Variants in EMILIN2 observed in about 807,000 individuals in gnomAD.
EMILIN2 encodes the protein EMILIN-2.
A neutral mutation model predicts 87.1 loss-of-function variants in EMILIN2; 71 were observed. The ratio of observed to expected loss-of-function variants is 0.82; its 90% CI spans 0.67 to 0.99. The LOEUF is 0.99. Ranked by LOEUF, EMILIN2 falls within the 50% of genes least tolerant of loss-of-function variation. The pLI is 0.00. For missense variants in EMILIN2, 1,407 were observed against 1,371.8 expected (o/e 1.03, Z -0.40); for synonymous variants, 581 against 563.4 (o/e 1.03, Z -0.44).
At chr18:2,905,076 G>A (rs919976816) in intron 4 of EMILIN2, among the ~76,000 whole-genome samples, 2 of 152,020 alleles carry the variant, frequency 1.3e-5, no homozygotes, top group African/African-American at 2.4e-5. Context: ...CTCAACCAGG[G>A]TTCTAAAGAG....
At position 2,906,837 on chromosome 18, in the gene EMILIN2, A is replaced by G; in HGVS notation, c.2414A>G (p.Glu805Gly). The G allele has an allele frequency of 7.5e-7, 1 of 1,340,512 alleles. No homozygotes were observed. The highest frequency in any genetic ancestry group is 3.4e-5 in the Admixed American group (1 of 29,790). 83.0% of individuals were successfully genotyped at this position (1,340,512 alleles called of 1,614,324 possible). The part of the protein sequence containing the change: ...AEAPKEPLQP[E>G]PAPPRPSGPA... ...GCCCCGAAGGAGCCGCTGCAGCCCG[A>G]GCCCGCCCCGCCGAGGCCCAGCGGC... The change falls in exon 5 of 8, where the codon GAG becomes GGG. Residue 805 changes from glutamate to glycine, a missense_variant. Coordinates refer to ENST00000254528, the MANE Select transcript of EMILIN2 (RefSeq NM_032048.3).
intron 2 of EMILIN2, among the ~76,000 whole-genome samples, chr18:2,857,091 C>CT (rs2076631702): frequency 6.6e-6 from 1 of 152,126 alleles, no homozygotes; most frequent in Non-Finnish European, 1.5e-5. Flanking sequence ...CTCAGCTGCC[C>CT]TTTTTTTGTT....
chr18:2,880,553 C>T lies in EMILIN2; in HGVS notation c.258-4411C>T, dbSNP rs985565081. 6.6e-5 allele frequency among the ~76,000 whole-genome samples: 10 copies of T among 152,238 alleles called. No individual in the cohort carries two copies. Among genetic ancestry groups the T allele is most frequent in the Non-Finnish European group, 1.3e-4 (9 of 68,040 alleles). On this transcript the variant is annotated intron_variant, in intron 2 of 7. Transcript: ENST00000254528. This position sits in a 1 kb window ranked among gnomAD's most constrained non-coding sequence, Gnocchi z 4.1. ...TCTCCAGAGGGCTGGGGCACCATCA[C>T]AGTCACAGCCGAGGCTGGGAAGGGA...
intron 2 of EMILIN2, among the ~76,000 whole-genome samples, chr18:2,874,965 G>A (rs373506775): frequency 2.5e-4 from 38 of 152,290 alleles, no homozygotes; most frequent in East Asian, 2.3e-3. Flanking sequence ...GGGATGTCAC[G>A]GCCACTTCTC....
Position 2,886,632 on chromosome 18 carries a change from C to G in EMILIN2, c.433+1493C>G, listed in dbSNP as rs1350341539. ...ACAGTTAGACCATATTCTTTATTTA[C>G]TCAGTATTCAGTGTTTACATTGTAG... On this transcript the variant is annotated intron_variant, in intron 3 of 7. Coordinates refer to ENST00000254528, the MANE Select transcript of EMILIN2 (RefSeq NM_032048.3). Among the ~76,000 whole-genome samples, 7 of 152,260 alleles carry G rather than the reference C, an allele frequency of 4.6e-5. No homozygotes were observed. In the South Asian group the frequency reaches 1.2e-3, roughly 27 times the overall value.
intron 2 of EMILIN2, among the ~76,000 whole-genome samples, chr18:2,878,203 C>T (rs2076759267): frequency 6.6e-6 from 1 of 152,120 alleles, no homozygotes; most frequent in Non-Finnish European, 1.5e-5. Context: ...TGCTAAATTT[C>T]AGGTGGCCGG....
At chr18:2,889,171 T>TGCCCAGA (rs2076819972) in intron 3 of EMILIN2, among the ~76,000 whole-genome samples, 2 of 140,106 alleles carry the variant, frequency 1.4e-5, no homozygotes, top group Non-Finnish European at 3.1e-5. Context: ...AGGGTCTCTC[T>TGCCCAGA]CTGTTGCCCA....
intron 5 of EMILIN2, among the ~76,000 whole-genome samples, chr18:2,907,359 A>C (rs2076919776): frequency 6.6e-6 from 1 of 152,174 alleles, no homozygotes. Context: ...CGGGCAGCTC[A>C]TTGATTCCCA....
At chr18:2,854,343 C>T (rs550170043) in intron 2 of EMILIN2, among the ~76,000 whole-genome samples, 12 of 152,256 alleles carry the variant, frequency 7.9e-5, no homozygotes, top group Middle Eastern at 3.4e-3. Context: ...ATAAGGCCTG[C>T]CAGGAATTTG....
At chr18:2,885,975 T>C (rs981874136) in intron 3 of EMILIN2, among the ~76,000 whole-genome samples, 3 of 152,264 alleles carry the variant, frequency 2.0e-5, no homozygotes, top group African/African-American at 7.2e-5. Flanking sequence ...TTAAAATGAC[T>C]TTTTAACTAC....
Position 2,915,020 on chromosome 18 carries a change from C to T in EMILIN2, c.*1616C>T, listed in dbSNP as rs79321443. 0.043 allele frequency: 6,494 copies of T among 152,350 alleles called. 201 individuals are homozygous for T. The highest frequency in any genetic ancestry group is 0.065 in the Non-Finnish European group (4,456 of 68,102). 9.4% of individuals were successfully genotyped at this position (152,350 alleles called of 1,614,324 possible). Reference sequence around the variant, plus strand: ...TTTTCAGGAAAACCCAGTGGGCACGCGCCATCGCCCTCTCCTCTCCTCTCA... The same window carrying T: ...TTTTCAGGAAAACCCAGTGGGCACGTGCCATCGCCCTCTCCTCTCCTCTCA... On this transcript the variant is annotated 3_prime_UTR_variant, in exon 8 of 8. Transcript: ENST00000254528.
chr18:2,860,005 A>T (rs1415865529), intron 2 of EMILIN2, among the ~76,000 whole-genome samples: 2 of 152,184 alleles, frequency 1.3e-5, no homozygotes, highest in Non-Finnish European at 2.9e-5. Context: ...AGATAATGTG[A>T]TGCCTCCAGA....
chr18:2,880,811 C>T lies in EMILIN2; in HGVS notation c.258-4153C>T, dbSNP rs1207453787. Among the ~76,000 whole-genome samples the T allele has an allele frequency of 6.6e-6, 1 of 152,184 alleles. No individual in the cohort carries two copies. Among genetic ancestry groups the T allele is most frequent in the Non-Finnish European group, 1.5e-5 (1 of 68,028 alleles). ...GGTCCTCTTAGGAGGGTGGCCGATT[C>T]CCTGAAGGGAGGAAGTGGGTCCTGG... On this transcript the variant is annotated intron_variant, in intron 2 of 7. Coordinates refer to ENST00000254528, the MANE Select transcript of EMILIN2 (RefSeq NM_032048.3). This position sits in a 1 kb window ranked among gnomAD's most constrained non-coding sequence, Gnocchi z 4.1.
At chr18:2,907,234 C>G (rs1319961712) in intron 5 of EMILIN2, 149 bp downstream of exon 5, 4 of 897,644 alleles carry the variant, frequency 4.5e-6, no homozygotes, top group African/African-American at 3.5e-5. Flanking sequence ...TGCCGAGGCC[C>G]GAGGGACCGC....
intron 2 of EMILIN2, among the ~76,000 whole-genome samples, chr18:2,872,823 C>T (rs9960065): frequency 0.11 from 16,544 of 152,092 alleles, 1,001 homozygotes; most frequent in South Asian, 0.19. Flanking sequence ...GAATACTAAA[C>T]ACATAGGGAA....
intron 4 of EMILIN2, among the ~76,000 whole-genome samples, chr18:2,905,590 CTAACTA>C (rs1328586102): frequency 1.3e-5 from 2 of 151,882 alleles, no homozygotes; most frequent in East Asian, 1.9e-4. Context: ...TTAACTCTGT[CTAACTA>C]TATTTTTGAA....
chr18:2,879,013 C>A (rs1011086928), intron 2 of EMILIN2, among the ~76,000 whole-genome samples: 1 of 152,132 alleles, frequency 6.6e-6, no homozygotes, highest in African/African-American at 2.4e-5. Flanking sequence ...AGGCAAGGAG[C>A]CTTGCCTTGT....
At chr18:2,877,213 G>T (rs137940238) in intron 2 of EMILIN2, among the ~76,000 whole-genome samples, 1 of 152,270 alleles carries the variant, frequency 6.6e-6, no homozygotes, top group African/African-American at 2.4e-5. Flanking sequence ...GCCAATTTTT[G>T]ACTGTCAGTA....
rs976618523 is a variant in EMILIN2, at chr18:2,868,532, C to G, written c.258-16432C>G. On this transcript the variant is annotated intron_variant, in intron 2 of 7. Coordinates refer to ENST00000254528, the MANE Select transcript of EMILIN2 (RefSeq NM_032048.3). Reference sequence around the variant, plus strand: ...TTGAGCACTGAGTGAACGAGGCTCCCTCTGCAATCCCGGCACCTCGGGAGG... The same window carrying G: ...TTGAGCACTGAGTGAACGAGGCTCCGTCTGCAATCCCGGCACCTCGGGAGG... 2.4e-4 allele frequency among the ~76,000 whole-genome samples: 37 copies of G among 152,374 alleles called. No homozygotes were observed. The Middle Eastern group carries it at 0.01, about 42-fold the overall frequency.
Sources: allele counts gnomAD v4.1 joint callset (sites outside exome capture counted in the v4.1 genomes callset), GRCh38; gene constraint gnomAD v4.1.1; non-coding constraint Gnocchi (gnomAD v3.1); transcripts MANE v1.5; gene names NCBI Gene and HGNC (gene_info 2026-07-23, HGNC 2026-07-21).